The following TRAPPC2L variants were observed in gnomAD, a reference collection of about 807,000 sequenced individuals.
TRAPPC2L encodes the protein trafficking protein particle complex subunit 2L, also known as trafficking protein particle complex subunit 2-like protein.
A neutral mutation model predicts 13.2 loss-of-function variants in TRAPPC2L; 17 were observed. The observed-to-expected ratio is 1.29, with a 90% CI of 0.88 to 1.93. The LOEUF is 1.93. Among genes scored for constraint, TRAPPC2L ranks in the 30% most tolerant of loss-of-function variants. The pLI, the probability that TRAPPC2L is intolerant of heterozygous loss-of-function variation, is 0.00. For synonymous variants in TRAPPC2L, 150 were observed against 98.1 expected (o/e 1.53, Z -3.12); for missense variants, 359 against 252.1 (o/e 1.42, Z -2.87).
At chr16:88,857,097 C>A, upstream of TRAPPC2L, 3 of 1,549,722 alleles carry the variant, frequency 1.9e-6, no homozygotes, top group African/African-American at 1.4e-5. Flanking sequence ...CTTTGGAGGC[C>A]GCGTGACCAG....
At chr16:88,856,836 C>T (rs1274325596), upstream of TRAPPC2L, 2 of 1,520,476 alleles carry the variant, frequency 1.3e-6, no homozygotes, top group South Asian at 2.4e-5. Context: ...TGAGCACCAG[C>T]AACAGCTGCC....
chr16:88,858,915 A>T (rs993802431), intron 2 of TRAPPC2L, 124 bp downstream of exon 2: 84 of 1,087,152 alleles, frequency 7.7e-5, no homozygotes, highest in Non-Finnish European at 1.0e-4. Flanking sequence ...CCAGGGAATT[A>T]GGGTAGCTTG....
exon 4 of TRAPPC2L, chr16:88,860,848 G>A: frequency 6.5e-7 from 1 of 1,529,108 alleles, no homozygotes; most frequent in Non-Finnish European, 8.9e-7. Context: ...ATGCTGCCCG[G>A]CCCGTCTCTG....
exon 4 of TRAPPC2L, chr16:88,860,669 C>A: frequency 1.7e-6 from 1 of 601,762 alleles, no homozygotes; most frequent in East Asian, 2.8e-5. Context: ...CCTGCCCATG[C>A]TGCTCCCTCC....
chr16:88,856,581 A>C (rs888065013), upstream of TRAPPC2L: 14 of 490,890 alleles, frequency 2.9e-5, no homozygotes, highest in African/African-American at 9.5e-5. Flanking sequence ...GCACGGGGAT[A>C]CCCCCCGTCC....
exon 4 of TRAPPC2L, chr16:88,860,544 TC>T (rs1320101267): frequency 5.1e-6 from 3 of 591,768 alleles, no homozygotes; most frequent in Non-Finnish European, 6.0e-6. Context: ...GGCCCCTCCC[TC>T]CACCAGGACA....
At chr16:88,861,768 A>G (rs1222014118) in exon 4 of TRAPPC2L, 2 of 430,516 alleles carry the variant, frequency 4.6e-6, no homozygotes, top group South Asian at 3.2e-5. Context: ...GCACTGGTCC[A>G]GGACTGGAGA....
exon 4 of TRAPPC2L, chr16:88,861,449 CT>C: frequency 2.9e-6 from 1 of 347,722 alleles, no homozygotes; most frequent in South Asian, 2.1e-5. Context: ...GGCCTCCATT[CT>C]TTGCATCTGG....
At chr16:88,858,900 G>A in intron 2 of TRAPPC2L, 109 bp downstream of exon 2, 1 of 1,240,454 alleles carries the variant, frequency 8.1e-7, no homozygotes, top group Non-Finnish European at 1.1e-6. Context: ...AGAGTTTTTA[G>A]CCAGCCAGGG....
exon 3 of TRAPPC2L, chr16:88,859,678 C>A (rs753443909): frequency 5.6e-6 from 9 of 1,613,866 alleles, no homozygotes; most frequent in Middle Eastern, 1.6e-4. Flanking sequence ...GCTACGTCAC[C>A]AACTCCAAGG....
upstream of TRAPPC2L, chr16:88,856,574 C>T (rs1366077133): frequency 2.4e-5 from 14 of 577,676 alleles, no homozygotes; most frequent in Middle Eastern, 4.4e-4. Flanking sequence ...CCTCCCCGCA[C>T]GGGGATACCC....
At chr16:88,857,850 T>C (rs989473828) in intron 1 of TRAPPC2L, among the ~76,000 whole-genome samples, 1 of 152,230 alleles carries the variant, frequency 6.6e-6, no homozygotes, top group African/African-American at 2.4e-5. Flanking sequence ...AAGACTGAGC[T>C]GGGTGGCTGC....
chr16:88,858,724 G>A (rs1201443307), exon 2 of TRAPPC2L: 1 of 1,613,462 alleles, frequency 6.2e-7, no homozygotes, highest in Non-Finnish European at 8.5e-7. Flanking sequence ...CTCCGCAATG[G>A]GGAAGGCCCT....
exon 4 of TRAPPC2L, chr16:88,861,038 TC>T (rs1259225239): frequency 1.4e-6 from 2 of 1,437,124 alleles, no homozygotes; most frequent in Non-Finnish European, 1.9e-6. Flanking sequence ...GGTTGCCTCT[TC>T]CTGAATGGGA....
chr16:88,856,451 C>A, upstream of TRAPPC2L: 1 of 700,622 alleles, frequency 1.4e-6, no homozygotes, highest in Non-Finnish European at 2.6e-6. Context: ...GGCCACCCAC[C>A]TGCCAGGGAG....
At chr16:88,858,311 A>C (rs1390549216) in intron 1 of TRAPPC2L, among the ~76,000 whole-genome samples, 1 of 152,202 alleles carries the variant, frequency 6.6e-6, no homozygotes, top group East Asian at 1.9e-4. Flanking sequence ...CTCCAGGAGA[A>C]GGTGAGAGGC....
intron 1 of TRAPPC2L, 32 bp downstream of exon 1, chr16:88,857,215 C>A: frequency 1.3e-6 from 2 of 1,518,882 alleles, no homozygotes; most frequent in African/African-American, 1.4e-5. Flanking sequence ...CGTCCGGGCT[C>A]GCACCATCCT....
intron 1 of TRAPPC2L, 84 bp downstream of exon 1, chr16:88,857,267 G>A: frequency 1.5e-6 from 2 of 1,295,614 alleles, no homozygotes; most frequent in Admixed American, 2.6e-5. Flanking sequence ...GGGCTTAGAA[G>A]GCACCTTAGG....
At chr16:88,859,526 C>T (rs903768674) in intron 2 of TRAPPC2L, 137 bp from the exon 3 acceptor site, 20 of 853,460 alleles carry the variant, frequency 2.3e-5, no homozygotes, top group African/African-American at 1.8e-4. Flanking sequence ...GTACCCAGCA[C>T]GGCCACTGCA....
Sources: gnomAD v4.1 joint callset for allele counts (sites outside exome capture counted in the v4.1 genomes callset) on GRCh38, gnomAD v4.1.1 for gene constraint, MANE v1.5 for transcripts, NCBI Gene and HGNC (gene_info 2026-07-23, HGNC 2026-07-21) for gene names.